OXR1: variants seen among roughly 807,000 people sequenced by gnomAD.
The protein encoded by OXR1 is oxidation resistance protein 1.
In OXR1, 41 loss-of-function variants were observed where a neutral mutation model predicts 104.6. The observed-to-expected ratio is 0.39, with a 90% CI of 0.31 to 0.51. OXR1 has a LOEUF of 0.51. OXR1 is among the 20% of genes least tolerant of loss of function. The pLI, the probability that OXR1 is intolerant of heterozygous loss-of-function variation, is 0.77. For missense variants in OXR1, 955 were observed against 1,031.9 expected, an observed-to-expected ratio of 0.93 and a Z score of 1.02; for synonymous variants, 348 against 348.4, an observed-to-expected ratio of 1.00 and a Z score of 0.01.
intron 3 of OXR1, among the ~76,000 whole-genome samples, chr8:106,542,110 G>T (rs930978352): frequency 2.6e-5 from 4 of 152,118 alleles, no homozygotes; most frequent in Non-Finnish European, 5.9e-5. Context: ...TGGATAAAGT[G>T]ACCCTTTCTT....
chr8:106,348,103 CA>C (rs1178514083), intron 1 of OXR1, among the ~76,000 whole-genome samples: 2 of 152,142 alleles, frequency 1.3e-5, no homozygotes, highest in African/African-American at 4.8e-5. Context: ...GAAATGGGAA[CA>C]TAATGATCAG....
chr8:106,686,430 ATTT>A (rs200470661), intron 6 of OXR1, among the ~76,000 whole-genome samples: 1 of 151,612 alleles, frequency 6.6e-6, no homozygotes, highest in African/African-American at 2.4e-5. Flanking sequence ...TTTTAGTTGT[ATTT>A]TTTTTACCTA....
At chr8:106,583,451 A>G (rs575078703) in intron 3 of OXR1, among the ~76,000 whole-genome samples, 2 of 152,332 alleles carry the variant, frequency 1.3e-5, no homozygotes, top group African/African-American at 4.8e-5. Context: ...CATTTCAAAC[A>G]TCTTAAAATC....
At chr8:106,335,955 G>T (rs1586537889) in intron 1 of OXR1, among the ~76,000 whole-genome samples, 1 of 152,102 alleles carries the variant, frequency 6.6e-6, no homozygotes, top group Admixed American at 6.6e-5. Flanking sequence ...AATTAGCCAG[G>T]TGTGGTGGTG....
At chr8:106,731,991 G>T (rs1249374040) in intron 11 of OXR1, among the ~76,000 whole-genome samples, 3 of 152,102 alleles carry the variant, frequency 2.0e-5, no homozygotes, top group Non-Finnish European at 4.4e-5. Context: ...AAGTTGAGAA[G>T]AACTGACAGC....
chr8:106,509,126 C>T (rs1025564951), intron 2 of OXR1, among the ~76,000 whole-genome samples: 1 of 152,166 alleles, frequency 6.6e-6, no homozygotes, highest in African/African-American at 2.4e-5. Flanking sequence ...TAGCGTGTTA[C>T]AAATCACTCC....
chr8:106,339,832 TAAAACTAAG>T (rs1815166685), intron 1 of OXR1, among the ~76,000 whole-genome samples: 1 of 151,970 alleles, frequency 6.6e-6, no homozygotes, highest in African/African-American at 2.4e-5. Flanking sequence ...TTTACAGATA[TAAAACTAAG>T]GCAGAGACGT....
intron 1 of OXR1, among the ~76,000 whole-genome samples, chr8:106,336,989 A>T (rs1214738793): frequency 6.6e-6 from 1 of 152,224 alleles, no homozygotes; most frequent in African/African-American, 2.4e-5. Context: ...CTGTACTTAT[A>T]TTTTGCAAAT....
rs183280519 is a variant in OXR1 at position 106,516,796 on chromosome 8, G to A, written c.24-2147G>A. 3.0e-3 allele frequency among the ~76,000 whole-genome samples: 451 copies of A among 152,192 alleles called. 4 individuals carry two copies. Among genetic ancestry groups the A allele is most frequent in the Middle Eastern group, 6.8e-3 (2 of 294 alleles). ...ATATTTTAAGAGAGAGAAAGAGAGA[G>A]ACCTCATTCATGTAACTTTTATTAC... On this transcript the variant is annotated intron_variant, in intron 2 of 16. Transcript: ENST00000517566.
chr8:106,676,062 CT>C (rs956680113), intron 3 of OXR1, among the ~76,000 whole-genome samples: 1 of 151,946 alleles, frequency 6.6e-6, no homozygotes, highest in African/African-American at 2.4e-5. Context: ...CTTTTTTGAT[CT>C]TTGTTGGTTT....
chr8:106,670,534 C>T (rs1826835305), intron 3 of OXR1, among the ~76,000 whole-genome samples: 1 of 151,980 alleles, frequency 6.6e-6, no homozygotes, highest in African/African-American at 2.4e-5. Context: ...AGAATTTTGA[C>T]CTGATTAAGA....
intron 3 of OXR1, among the ~76,000 whole-genome samples, chr8:106,573,618 G>A (rs1817631078): frequency 6.6e-6 from 1 of 152,166 alleles, no homozygotes; most frequent in African/African-American, 2.4e-5. Flanking sequence ...TAAAGCCATT[G>A]TAAATGCTTG....
chr8:106,475,454 C>G (rs1223011747), intron 2 of OXR1, among the ~76,000 whole-genome samples: 1 of 151,674 alleles, frequency 6.6e-6, no homozygotes, highest in Non-Finnish European at 1.5e-5. Context: ...CTGTCTCATG[C>G]GTGGCAGAGG....
chr8:106,434,401 G>T (rs531183810), intron 2 of OXR1, among the ~76,000 whole-genome samples: 95 of 152,250 alleles, frequency 6.2e-4, no homozygotes, highest in African/African-American at 2.1e-3. Context: ...TGAGGAGAAA[G>T]AAATGAAACT....
At chr8:106,309,013 C>A (rs1327831541) in intron 1 of OXR1, among the ~76,000 whole-genome samples, 3 of 150,800 alleles carry the variant, frequency 2.0e-5, no homozygotes, top group Non-Finnish European at 4.4e-5. Context: ...GGGTCTTGCT[C>A]TGTCATACAG....
chr8:106,687,662 G>C (rs1828867191), intron 6 of OXR1, among the ~76,000 whole-genome samples: 1 of 151,548 alleles, frequency 6.6e-6, no homozygotes, highest in Non-Finnish European at 1.5e-5. Flanking sequence ...GGGGGTTGCA[G>C]TGAGCCACGC....
intron 2 of OXR1, among the ~76,000 whole-genome samples, chr8:106,498,069 C>G (rs1811534568): frequency 6.6e-6 from 1 of 152,256 alleles, no homozygotes; most frequent in South Asian, 2.1e-4. Flanking sequence ...TAATTCCATG[C>G]TAGAAATTTG....
intron 7 of OXR1, among the ~76,000 whole-genome samples, chr8:106,696,939 G>A (rs1009660757): frequency 6.6e-5 from 10 of 152,138 alleles, no homozygotes; most frequent in Admixed American, 2.0e-4. Flanking sequence ...CTGTGGCTGG[G>A]GCAGCAGCTG....
In OXR1 at chr8:106,713,913, A is replaced by G. The variant is rs765376661; in HGVS notation, c.1884A>G (p.Ile628Met). 2.2e-5 allele frequency: 35 copies of G among 1,595,196 alleles called. No individual in the cohort carries two copies. The highest frequency in any genetic ancestry group is 3.0e-5 in the Non-Finnish European group (35 of 1,173,964). ...AATATACCAGAGAACCTGGATTTAT[A>G]GTAGTAAAAAAGATTGAGGAGTCTG... ...TGEYTREPGFIVVKKIEESET... is the reference protein window; with the variant it reads ...TGEYTREPGFMVVKKIEESET... The change falls in exon 11 of 17, where the codon ATA becomes ATG. Residue 628 changes from isoleucine to methionine, a missense_variant. Around this residue, in one of 2 missense-constraint regions of OXR1, gnomAD observed 849 missense variants for 852.9 expected, o/e 1.00. Coordinates refer to ENST00000517566, the MANE Select transcript of OXR1 (RefSeq NM_001198533.2).
Sources: gnomAD v4.1 joint callset for allele counts (sites outside exome capture counted in the v4.1 genomes callset) on GRCh38, gnomAD v4.1.1 for gene constraint, gnomAD v4.1.1 regional missense constraint, MANE v1.5 for transcripts, NCBI Gene and HGNC (gene_info 2026-07-23, HGNC 2026-07-21) for gene names.